Variants in CCDC18 observed in about 807,000 individuals in gnomAD.
CCDC18 encodes the protein coiled-coil domain containing 18.
A neutral mutation model predicts 196.0 loss-of-function variants in CCDC18; 157 were observed. The observed-to-expected ratio is 0.80, with a 90% CI of 0.70 to 0.91. The LOEUF (loss-of-function observed/expected upper bound fraction) is 0.91. Ranked by LOEUF, CCDC18 falls within the 40% of genes least tolerant of loss-of-function variation. CCDC18 has a pLI of 0.00. For synonymous variants in CCDC18, 482 were observed against 529.2 expected (o/e 0.91, Z 1.22); for missense variants, 1,465 against 1,611.6 (o/e 0.91, Z 1.56).
intron 28 of CCDC18, among the ~76,000 whole-genome samples, chr1:93,275,747 C>T (rs538076338): frequency 1.6e-4 from 25 of 152,156 alleles, no homozygotes; most frequent in Non-Finnish European, 3.4e-4. Context: ...AAGGGGAATG[C>T]CACAGAGTTG....
At chr1:93,192,762 C>T (rs1342961633) in intron 5 of CCDC18, among the ~76,000 whole-genome samples, 1 of 152,174 alleles carries the variant, frequency 6.6e-6, no homozygotes, top group Non-Finnish European at 1.5e-5. Flanking sequence ...AATTTATTCT[C>T]TTCTGCTTTG....
intron 17 of CCDC18, among the ~76,000 whole-genome samples, chr1:93,228,540 G>A (rs1305742547): frequency 2.0e-5 from 3 of 151,310 alleles, no homozygotes; most frequent in African/African-American, 7.3e-5. Context: ...GATTTAATAC[G>A]GTCATGTCTT....
At chr1:93,220,851 G>T (rs909550002) in intron 14 of CCDC18, among the ~76,000 whole-genome samples, 1 of 152,050 alleles carries the variant, frequency 6.6e-6, no homozygotes, top group East Asian at 1.9e-4. Context: ...TCATCATTCA[G>T]CTCCCACTTA....
intron 16 of CCDC18, among the ~76,000 whole-genome samples, chr1:93,223,870 G>A (rs1657837743): frequency 6.7e-6 from 1 of 149,578 alleles, no homozygotes; most frequent in Admixed American, 6.8e-5. Context: ...GCAGAGTGGT[G>A]TTTGTTTTTG....
intron 21 of CCDC18, among the ~76,000 whole-genome samples, chr1:93,240,774 C>T (rs193081576): frequency 5.3e-5 from 8 of 152,212 alleles, no homozygotes; most frequent in South Asian, 4.2e-4. Context: ...TACCTCCATT[C>T]GGATATTTTT....
At chr1:93,221,283 C>T (rs1331337141) in intron 14 of CCDC18, among the ~76,000 whole-genome samples, 1 of 107,402 alleles carries the variant, frequency 9.3e-6, no homozygotes. Flanking sequence ...GCAACCTCTC[C>T]AGCATCTGTT....
chr1:93,264,667 A>C (rs772573383), intron 26 of CCDC18, 34 bp from the exon 27 acceptor site: 55 of 1,319,926 alleles, frequency 4.2e-5, no homozygotes, highest in Non-Finnish European at 5.3e-5. Flanking sequence ...CCATTTTTTT[A>C]TTTTTTTTCT....
At chr1:93,217,653 A>G (rs624131) in intron 13 of CCDC18, 85 bp from the exon 14 acceptor site, 443,278 of 1,099,062 alleles carry the variant, frequency 0.4, 97,889 homozygotes, top group African/African-American at 0.85. Flanking sequence ...TTCCCAGGCT[A>G]GTCTTGAACT....
chr1:93,256,128 A>C (rs1270154570), intron 24 of CCDC18, among the ~76,000 whole-genome samples: 1 of 151,906 alleles, frequency 6.6e-6, no homozygotes, highest in African/African-American at 2.4e-5. Flanking sequence ...CAATTATGGT[A>C]TTTTTGTCAT....
rs368648482 is a variant in CCDC18, at chr1:93,216,625, T to C, written c.1720-11T>C. ...AAAAATAATTTTACATTTATTTCAA[T>C]GTGTTTTCAGATGACAAAGAAATGT... On this transcript the variant is annotated splice_polypyrimidine_tract_variant and intron_variant, in intron 12 of 28. Coordinates refer to ENST00000690025, the MANE Select transcript of CCDC18 (RefSeq NM_001378204.1). The C allele has an allele frequency of 3.9e-6, 5 of 1,295,338 alleles. No homozygotes were observed. Among genetic ancestry groups the C allele is most frequent in the African/African-American group, 3.0e-5 (2 of 65,752 alleles). 80.2% of individuals were successfully genotyped at this position (1,295,338 alleles called of 1,614,324 possible). A position where few individuals can be genotyped will look rare whatever the true frequency, so the allele number is the denominator to read the frequency against.
intron 25 of CCDC18, among the ~76,000 whole-genome samples, chr1:93,258,173 A>G (rs1305119457): frequency 6.6e-6 from 1 of 151,962 alleles, no homozygotes; most frequent in Non-Finnish European, 1.5e-5. Context: ...GGGACCTCCT[A>G]CCATATTTTA....
At chr1:93,209,876 A>T (rs1478153854) in intron 9 of CCDC18, among the ~76,000 whole-genome samples, 2 of 152,172 alleles carry the variant, frequency 1.3e-5, no homozygotes, top group Non-Finnish European at 2.9e-5. Flanking sequence ...AGCTTGGGTA[A>T]TACAGTGAGA....
At chr1:93,206,049 GA>G (rs1462559984) in intron 8 of CCDC18, among the ~76,000 whole-genome samples, 1 of 151,942 alleles carries the variant, frequency 6.6e-6, no homozygotes, top group Non-Finnish European at 1.5e-5. Flanking sequence ...AGAATTTACT[GA>G]AGGTCTGAAA....
chr1:93,231,512 C>T (rs1189807381), intron 17 of CCDC18, among the ~76,000 whole-genome samples: 1 of 151,914 alleles, frequency 6.6e-6, no homozygotes, highest in African/African-American at 2.4e-5. Context: ...CTTCCATTCA[C>T]TTTGGTAGGA....
rs1553162287 is a variant in CCDC18, at chr1:93,183,518, A to G, written c.134+23A>G. 156 of 1,557,206 alleles carry G rather than the reference A, an allele frequency of 1.0e-4. 4 individuals carry two copies. In the South Asian group the frequency reaches 1.9e-3, roughly 19 times the overall value. The stretch of plus-strand genomic sequence containing the variant: ...CAGGTAAGTAAGTAAAATCACATAT[A>G]GAATTCACTGTGCCTTAAATACATC... On this transcript the variant is annotated intron_variant, in intron 2 of 28. Transcript: ENST00000690025.
intron 1 of CCDC18, among the ~76,000 whole-genome samples, chr1:93,181,983 G>A (rs1649794209): frequency 6.6e-6 from 1 of 152,176 alleles, no homozygotes; most frequent in South Asian, 2.1e-4. Context: ...GAAATATATA[G>A]TACCAAATGG....
rs1391861999 is a variant in CCDC18, at chr1:93,205,721, A to G, written c.917+90A>G. 4.3e-6 allele frequency: 5 copies of G among 1,176,212 alleles called. No individual in the cohort carries two copies. The African/African-American group carries it at 7.8e-5, about 18-fold the overall frequency. 72.9% of individuals were successfully genotyped at this position (1,176,212 alleles called of 1,614,324 possible). ...AACACAATATTTTATTGTTGTAATT[A>G]TAGGCTTACATTATATAGAAGGATA... On this transcript the variant is annotated intron_variant, in intron 8 of 28. Transcript: ENST00000690025.
chr1:93,261,426 A>C (rs942513860), intron 26 of CCDC18, among the ~76,000 whole-genome samples: 1 of 152,130 alleles, frequency 6.6e-6, no homozygotes, highest in African/African-American at 2.4e-5. Flanking sequence ...TCTTTATCTA[A>C]AAGAGAATAC....
At chr1:93,269,989 A>G (rs1406684605) in intron 27 of CCDC18, among the ~76,000 whole-genome samples, 1 of 152,186 alleles carries the variant, frequency 6.6e-6, no homozygotes, top group African/African-American at 2.4e-5. Flanking sequence ...TATATGTGTT[A>G]GATTAACAAA....
Sources: gnomAD v4.1 joint callset for allele counts (sites outside exome capture counted in the v4.1 genomes callset) on GRCh38, gnomAD v4.1.1 for gene constraint, MANE v1.5 for transcripts, NCBI Gene and HGNC (gene_info 2026-07-23, HGNC 2026-07-21) for gene names.